The following CLPX variants were observed in gnomAD, a reference collection of about 807,000 sequenced individuals.
CLPX encodes the protein caseinolytic mitochondrial matrix peptidase chaperone subunit X.
CLPX carries 34 observed loss-of-function variants against 76.4 expected under a neutral mutation model. The observed-to-expected ratio is 0.45, with a 90% CI of 0.34 to 0.59. The LOEUF is 0.59. Among genes scored for constraint, CLPX ranks in the 20% least tolerant of loss-of-function variants. The pLI is 0.01. For synonymous variants in CLPX, 248 were observed against 270.9 expected, an observed-to-expected ratio of 0.92 and a Z score of 0.83; for missense variants, 613 against 757.0, an observed-to-expected ratio of 0.81 and a Z score of 2.23.
At chr15:65,159,105 C>T (rs1454229355) in intron 6 of CLPX, among the ~76,000 whole-genome samples, 1 of 152,204 alleles carries the variant, frequency 6.6e-6, no homozygotes, top group Non-Finnish European at 1.5e-5. Context: ...GTAGAAGCTA[C>T]ATGATCTAGG....
chr15:65,156,909 C>T lies in CLPX; in HGVS notation c.1081G>A (p.Asp361Asn). ...ATGCCTGGCACACTGCCAATCTTAT[C>T]TACTTCATCCAGAAAGACAATTCCT... ...QQGIVFLDEV[D>N]KIGSVPGIHQ... Residue 361 changes from aspartate to asparagine, a missense_variant, in exon 9 of 14, where the codon GAT becomes AAT. Coordinates refer to ENST00000300107, the MANE Select transcript of CLPX (RefSeq NM_006660.5). 6.2e-7 allele frequency: 1 copy of T among 1,612,206 alleles called. No individual in the cohort carries two copies. The highest frequency in any genetic ancestry group is 8.5e-7 in the Non-Finnish European group (1 of 1,178,850).
chr15:65,181,417 T>C (rs2088169461), intron 1 of CLPX, among the ~76,000 whole-genome samples: 1 of 152,008 alleles, frequency 6.6e-6, no homozygotes, highest in African/African-American at 2.4e-5. Context: ...ACACTAAAAA[T>C]AGTTAAGTCT....
intron 9 of CLPX, among the ~76,000 whole-genome samples, chr15:65,156,302 A>T (rs912364678): frequency 6.6e-6 from 1 of 152,196 alleles, no homozygotes; most frequent in Non-Finnish European, 1.5e-5. Flanking sequence ...ATAAAAAAAA[A>T]TTTCCAGCAC....
intron 3 of CLPX, among the ~76,000 whole-genome samples, chr15:65,176,428 A>G (rs2088092055): frequency 6.6e-6 from 1 of 152,194 alleles, no homozygotes; most frequent in Non-Finnish European, 1.5e-5. Context: ...GTGACCTTGA[A>G]TGAGTTACTT....
intron 1 of CLPX, among the ~76,000 whole-genome samples, chr15:65,183,701 C>G (rs2088213739): frequency 6.6e-6 from 1 of 152,110 alleles, no homozygotes; most frequent in East Asian, 1.9e-4. Context: ...GTAACACTTT[C>G]AAAGAAGCCG....
In CLPX at chr15:65,156,876, A is replaced by C; in HGVS notation, c.1114T>G (p.Leu372Val). Residue 372 changes from leucine (L) to valine (V), a missense_variant, in exon 9 of 14, where the codon TTA becomes GTA. Leu to Val is a conservative substitution (Grantham distance 32). Transcript: ENST00000300107. ...KIGSVPGIHQLRDVGGEGVQQ... is the reference protein window; with the variant it reads ...KIGSVPGIHQVRDVGGEGVQQ... ...ACGCCTTCTCCACCTACATCCCGTA[A>C]TTGATGAATGCCTGGCACACTGCCA... The C allele has an allele frequency of 6.2e-7, 1 of 1,613,624 alleles. No homozygotes were observed. The highest frequency in any genetic ancestry group is 8.5e-7 in the Non-Finnish European group (1 of 1,179,742).
intron 3 of CLPX, among the ~76,000 whole-genome samples, chr15:65,175,882 C>G (rs1321285583): frequency 6.6e-6 from 1 of 152,128 alleles, no homozygotes; most frequent in Non-Finnish European, 1.5e-5. Flanking sequence ...GTACACAAAA[C>G]TAAGGGAGGA....
Position 65,150,658 on chromosome 15 carries a change from T to A in CLPX, c.*165A>T. On this transcript the variant is annotated 3_prime_UTR_variant, in exon 14 of 14. Transcript: ENST00000300107. ...TATAACATCTTCCGTAAAATCAATG[T>A]GATGTTACAATTATATACATGATCT... 2.3e-6 allele frequency: 1 copy of A among 430,752 alleles called. No homozygotes were observed. Among genetic ancestry groups the A allele is most frequent in the Non-Finnish European group, 4.1e-6 (1 of 242,040 alleles). The allele number at this position is 430,752 out of a possible 1,614,324, so 26.7% of individuals were successfully genotyped here.
In CLPX at chr15:65,150,520, T is replaced by C. The variant is rs984494046; in HGVS notation, c.*303A>G. ...ATTGTAAAATCTACAGTTATCGCAA[T>C]ACCTGCATTGCTTAAAAGAATTCCT... On this transcript the variant is annotated 3_prime_UTR_variant, in exon 14 of 14. Transcript: ENST00000300107. The C allele has an allele frequency of 2.3e-5, 5 of 214,146 alleles. No homozygotes were observed. Among genetic ancestry groups the C allele is most frequent in the Non-Finnish European group, 4.6e-5 (5 of 109,344 alleles). 13.3% of individuals were successfully genotyped at this position (214,146 alleles called of 1,614,324 possible). A position where few individuals can be genotyped will look rare whatever the true frequency, so the allele number is the denominator to read the frequency against.
chr15:65,170,787 T>C (rs1289798377), intron 3 of CLPX, among the ~76,000 whole-genome samples: 3 of 150,612 alleles, frequency 2.0e-5, no homozygotes, highest in East Asian at 4.0e-4. Flanking sequence ...AACCACTTCA[T>C]TATCAATTCA....
At position 65,149,583 on chromosome 15, in the gene CLPX, C is replaced by T. The variant is rs918096523; in HGVS notation, c.*1240G>A. On this transcript the variant is annotated 3_prime_UTR_variant, in exon 14 of 14. Coordinates refer to ENST00000300107, the MANE Select transcript of CLPX (RefSeq NM_006660.5). Reference sequence around the variant, plus strand: ...ATGGATTAAAGATGGTAAATAAGGCCGGGTGTGGTGGCTTACGCCTGCAAT... The same window carrying T: ...ATGGATTAAAGATGGTAAATAAGGCTGGGTGTGGTGGCTTACGCCTGCAAT... 10 of 453,138 alleles carry T rather than the reference C, an allele frequency of 2.2e-5. No individual in the cohort carries two copies. Among genetic ancestry groups the T allele is most frequent in the African/African-American group, 4.0e-5 (2 of 49,820 alleles). 28.1% of individuals were successfully genotyped at this position (453,138 alleles called of 1,614,324 possible). A position where few individuals can be genotyped will look rare whatever the true frequency, so the allele number is the denominator to read the frequency against.
chr15:65,173,386 A>C (rs1566984996), intron 3 of CLPX, among the ~76,000 whole-genome samples: 1 of 151,076 alleles, frequency 6.6e-6, no homozygotes, highest in African/African-American at 2.4e-5. Context: ...AAAAAAAAAA[A>C]AGAAGACAGA....
chr15:65,164,422 GTGT>G (rs759523680), intron 4 of CLPX, among the ~76,000 whole-genome samples: 23 of 152,124 alleles, frequency 1.5e-4, no homozygotes, highest in Admixed American at 3.3e-4. Context: ...TACTCTACTA[GTGT>G]TGTGCTAATT....
chr15:65,162,711 C>T, intron 5 of CLPX, 66 bp from the exon 6 acceptor site: 1 of 815,284 alleles, frequency 1.2e-6, no homozygotes, highest in Admixed American at 2.4e-5. Context: ...GAGTATCCCA[C>T]CTCCTGTCCT....
At chr15:65,176,752 C>T (rs952929191) in intron 3 of CLPX, among the ~76,000 whole-genome samples, 1 of 151,878 alleles carries the variant, frequency 6.6e-6, no homozygotes, top group East Asian at 1.9e-4. Flanking sequence ...CCCGCCACCA[C>T]GCCCAGCTAA....
At chr15:65,155,635 G>C in intron 10 of CLPX, 57 bp downstream of exon 10, 1 of 1,381,700 alleles carries the variant, frequency 7.2e-7, no homozygotes, top group East Asian at 2.3e-5. Flanking sequence ...AATGGAAACT[G>C]AGTGTACATC....
intron 3 of CLPX, among the ~76,000 whole-genome samples, chr15:65,170,124 A>G (rs539042213): frequency 4.2e-4 from 64 of 152,094 alleles, no homozygotes; most frequent in Middle Eastern, 3.4e-3. Context: ...TTCTGTTCTC[A>G]AGGGATCCTC....
In CLPX at chr15:65,156,953, T is replaced by C. The variant is rs1322928832; in HGVS notation, c.1058-21A>G. On this transcript the variant is annotated intron_variant, in intron 8 of 13. Transcript: ENST00000300107. Reference sequence around the variant, plus strand: ...AATTCCTATAATTTAAGGAGGATTCTATTTATAATACGAAAAAGATATACA... The same window carrying C: ...AATTCCTATAATTTAAGGAGGATTCCATTTATAATACGAAAAAGATATACA... The C allele has an allele frequency of 2.6e-6, 4 of 1,510,254 alleles. No homozygotes were observed. The Admixed American group carries it at 5.3e-5, about 20-fold the overall frequency. The allele number at this position is 1,510,254 out of a possible 1,614,324, so 93.6% of individuals were successfully genotyped here.
intron 8 of CLPX, 113 bp downstream of exon 8, chr15:65,157,631 TTA>T (rs1282668473): frequency 9.8e-7 from 1 of 1,024,580 alleles, no homozygotes; most frequent in East Asian, 2.6e-5. Flanking sequence ...AAAGGTACTT[TTA>T]TATAATTACA....
Sources: allele counts gnomAD v4.1 joint callset (sites outside exome capture counted in the v4.1 genomes callset), GRCh38; gene constraint gnomAD v4.1.1; transcripts MANE v1.5; gene names NCBI Gene and HGNC (gene_info 2026-07-23, HGNC 2026-07-21).